Variants in CLYBL observed in about 807,000 individuals in gnomAD.
CLYBL encodes the protein citramalyl-CoA lyase.
In CLYBL, 31 loss-of-function variants were observed where a neutral mutation model predicts 38.9. The ratio of observed to expected loss-of-function variants is 0.80; its 90% CI spans 0.60 to 1.08. CLYBL has a LOEUF of 1.08. Ranked by LOEUF, CLYBL falls within the 50% of genes least tolerant of loss-of-function variation. CLYBL has a pLI of 0.00. For missense variants in CLYBL, 434 were observed against 411.6 expected, an observed-to-expected ratio of 1.05 and a Z score of -0.47; for synonymous variants, 171 against 158.6, an observed-to-expected ratio of 1.08 and a Z score of -0.59.
intron 1 of CLYBL, among the ~76,000 whole-genome samples, chr13:99,732,029 CT>C (rs1211533876): frequency 6.6e-6 from 1 of 152,010 alleles, no homozygotes; most frequent in Non-Finnish European, 1.5e-5. Flanking sequence ...TCTGCTGGGG[CT>C]TTGTTTTCCT....
rs552714630 is a variant in CLYBL, at chr13:99,608,104, T to C, written c.62+1347T>C. Among the ~76,000 whole-genome samples the C allele has an allele frequency of 2.1e-5, 3 of 146,210 alleles. No individual in the cohort carries two copies. The South Asian group carries it at 6.7e-4, about 33-fold the overall frequency. ...TTTTTTTTCCGAGATGGAGTTTCGC[T>C]TTTGTCGCCCAGGCTGGAGTGCAAT... On this transcript the variant is annotated intron_variant, in intron 1 of 8. Coordinates refer to ENST00000339105, the MANE Select transcript of CLYBL (RefSeq NM_206808.5).
intron 1 of CLYBL, among the ~76,000 whole-genome samples, chr13:99,713,336 T>A (rs2048263170): frequency 8.8e-6 from 1 of 113,170 alleles, no homozygotes; most frequent in Non-Finnish European, 1.7e-5. Flanking sequence ...CTCTATTTCT[T>A]TTTTTTTTTT....
At chr13:99,672,770 A>G (rs2047586135) in intron 1 of CLYBL, among the ~76,000 whole-genome samples, 1 of 152,134 alleles carries the variant, frequency 6.6e-6, no homozygotes, top group Non-Finnish European at 1.5e-5. Flanking sequence ...ACCCTGTCTC[A>G]AAAAATATAT....
chr13:99,859,181 T>A, intron 3 of CLYBL, 132 bp downstream of exon 3: 1 of 633,196 alleles, frequency 1.6e-6, no homozygotes, highest in Non-Finnish European at 2.6e-6. Flanking sequence ...GAAAAAGCAG[T>A]AAGCTCAAGT....
chr13:99,890,864 A>C (rs1465794820), intron 7 of CLYBL, among the ~76,000 whole-genome samples: 1 of 152,102 alleles, frequency 6.6e-6, no homozygotes, highest in Non-Finnish European at 1.5e-5. Flanking sequence ...TCATAACCTT[A>C]TCATGTTACC....
chr13:99,665,838 C>T (rs2035957489), intron 1 of CLYBL, among the ~76,000 whole-genome samples: 1 of 152,226 alleles, frequency 6.6e-6, no homozygotes, highest in Admixed American at 6.5e-5. Context: ...AGATGGGATT[C>T]TCAGATCGTG....
intron 2 of CLYBL, among the ~76,000 whole-genome samples, chr13:99,787,743 A>C (rs1291658387): frequency 1.3e-5 from 2 of 152,188 alleles, no homozygotes; most frequent in African/African-American, 4.8e-5. Flanking sequence ...GAAGAAAGTC[A>C]TTGGTAGCTT....
chr13:99,667,950 TGAG>T (rs921409140), intron 1 of CLYBL, among the ~76,000 whole-genome samples: 1 of 152,286 alleles, frequency 6.6e-6, no homozygotes, highest in African/African-American at 2.4e-5. Flanking sequence ...TATGAAAAGA[TGAG>T]GAGCAAAAAT....
At chr13:99,611,426 T>C (rs1329090556) in intron 1 of CLYBL, among the ~76,000 whole-genome samples, 2 of 152,222 alleles carry the variant, frequency 1.3e-5, no homozygotes, top group African/African-American at 4.8e-5. Flanking sequence ...TCTTCTTCAG[T>C]GTGTTAATAC....
intron 2 of CLYBL, among the ~76,000 whole-genome samples, chr13:99,801,150 T>C (rs1410504796): frequency 6.6e-6 from 1 of 152,144 alleles, no homozygotes; most frequent in Non-Finnish European, 1.5e-5. Context: ...GTGCCCCCCC[T>C]CCACACGTCC....
intron 2 of CLYBL, among the ~76,000 whole-genome samples, chr13:99,784,554 A>C (rs991863741): frequency 4.1e-5 from 6 of 147,278 alleles, no homozygotes; most frequent in African/African-American, 1.5e-4. Flanking sequence ...TCCTGGGTTC[A>C]AGCAATTCTC....
intron 1 of CLYBL, among the ~76,000 whole-genome samples, chr13:99,641,528 G>A (rs2047093848): frequency 1.3e-5 from 2 of 151,942 alleles, no homozygotes; most frequent in South Asian, 2.1e-4. Flanking sequence ...AATTAGCCGG[G>A]CACGGTGGCA....
chr13:99,896,814 T>G (rs1277983520), downstream of CLYBL: 2 of 152,222 alleles, frequency 1.3e-5, no homozygotes, highest in Non-Finnish European at 2.9e-5. Context: ...ATCCCAAGTT[T>G]AAGAAGGAAA....
chr13:99,729,171 C>T (rs776680833), intron 1 of CLYBL, among the ~76,000 whole-genome samples: 31 of 152,214 alleles, frequency 2.0e-4, no homozygotes, highest in Non-Finnish European at 3.5e-4. Flanking sequence ...TGGACTGTTT[C>T]TCTTGTCTTT....
At chr13:99,812,381 C>G (rs1594197993) in intron 2 of CLYBL, among the ~76,000 whole-genome samples, 1 of 152,284 alleles carries the variant, frequency 6.6e-6, no homozygotes, top group South Asian at 2.1e-4. Context: ...TTTGGGGTTA[C>G]AGAATTACAT....
chr13:99,711,302 GGTTCA>G (rs1239179917), intron 1 of CLYBL, among the ~76,000 whole-genome samples: 2 of 152,042 alleles, frequency 1.3e-5, no homozygotes, highest in African/African-American at 4.8e-5. Flanking sequence ...GGCAGTGGCA[GGTTCA>G]GTGTCTGGTG....
chr13:99,729,188 T>C (rs1489510832), intron 1 of CLYBL, among the ~76,000 whole-genome samples: 2 of 152,246 alleles, frequency 1.3e-5, no homozygotes, highest in Non-Finnish European at 2.9e-5. Context: ...CTTTTAAAAG[T>C]GTGAGGCCTA....
intron 1 of CLYBL, among the ~76,000 whole-genome samples, chr13:99,631,151 G>A (rs1026052584): frequency 2.6e-5 from 4 of 152,038 alleles, no homozygotes; most frequent in East Asian, 1.9e-4. Context: ...GTGAAATCCC[G>A]TCTCCACAAA....
At chr13:99,885,087 CAGG>C (rs2052316255) in intron 7 of CLYBL, 1 of 530,236 alleles carries the variant, frequency 1.9e-6, no homozygotes, top group South Asian at 1.4e-5. Flanking sequence ...TGCTGGGTGC[CAGG>C]TCCTGGGAGT....
Sources: gnomAD v4.1 joint callset for allele counts (sites outside exome capture counted in the v4.1 genomes callset) on GRCh38, gnomAD v4.1.1 for gene constraint, MANE v1.5 for transcripts, NCBI Gene and HGNC (gene_info 2026-07-23, HGNC 2026-07-21) for gene names.